RBFOX1: variants seen among roughly 807,000 people sequenced by gnomAD.
RBFOX1 encodes the protein RNA binding fox-1 homolog 1.
RBFOX1 carries 8 observed loss-of-function variants against 57.7 expected under a neutral mutation model. The observed-to-expected ratio is 0.14, with a 90% CI of 0.08 to 0.25. The LOEUF is 0.25. Among genes scored for constraint, RBFOX1 ranks in the 10% least tolerant of loss-of-function variants. The probability of loss-of-function intolerance (pLI) is 1.00; values close to 1 mark genes in which losing one functional copy is unlikely to be tolerated. For missense variants in RBFOX1, 611 were observed against 548.5 expected, an observed-to-expected ratio of 1.11 and a Z score of -1.14; for synonymous variants, 326 against 222.4, an observed-to-expected ratio of 1.47 and a Z score of -4.15.
intron 4 of RBFOX1, among the ~76,000 whole-genome samples, chr16:7,251,372 A>T (rs1268039866): frequency 6.8e-6 from 1 of 147,412 alleles, no homozygotes; most frequent in African/African-American, 2.5e-5. Context: ...GCTGAATGAC[A>T]TTCCATTGTA....
intron 1 of RBFOX1, among the ~76,000 whole-genome samples, chr16:5,463,279 C>T (rs554085894): frequency 3.3e-5 from 5 of 152,160 alleles, no homozygotes; most frequent in African/African-American, 9.6e-5. Context: ...TCTGGGATCA[C>T]ACATACTGAA....
chr16:7,239,654 G>T (rs1020286542), intron 4 of RBFOX1, among the ~76,000 whole-genome samples: 2 of 152,252 alleles, frequency 1.3e-5, no homozygotes, highest in South Asian at 2.1e-4. Context: ...AAGACCGTGA[G>T]AACTCATTTG....
chr16:6,485,632 A>T (rs887882692), intron 2 of RBFOX1, among the ~76,000 whole-genome samples: 1 of 152,234 alleles, frequency 6.6e-6, no homozygotes, highest in Non-Finnish European at 1.5e-5. Flanking sequence ...AAAAGTGAAT[A>T]TTCAAACTTT....
At chr16:7,010,025 C>G (rs929592160) in intron 3 of RBFOX1, among the ~76,000 whole-genome samples, 3 of 137,156 alleles carry the variant, frequency 2.2e-5, no homozygotes, top group Admixed American at 7.1e-5. Flanking sequence ...GCTCAGAGAA[C>G]TCTTAAGAAA....
intron 1 of RBFOX1, among the ~76,000 whole-genome samples, chr16:5,460,851 G>A (rs1256961461): frequency 1.3e-5 from 2 of 152,188 alleles, no homozygotes; most frequent in African/African-American, 2.4e-5. Flanking sequence ...CATTGCAGGA[G>A]CGGAGCACAT....
chr16:7,069,561 A>AT (rs1456856342), intron 4 of RBFOX1, among the ~76,000 whole-genome samples: 1 of 152,138 alleles, frequency 6.6e-6, no homozygotes, highest in African/African-American at 2.4e-5. Flanking sequence ...CATAAGGGCT[A>AT]TTTTTCTGGC....
intron 3 of RBFOX1, among the ~76,000 whole-genome samples, chr16:6,877,347 G>C (rs963656041): frequency 6.6e-6 from 1 of 152,080 alleles, no homozygotes; most frequent in Non-Finnish European, 1.5e-5. Flanking sequence ...CTTCCCTTTA[G>C]CAGAACACAA....
intron 4 of RBFOX1, among the ~76,000 whole-genome samples, chr16:7,511,343 G>A (rs1050609819): frequency 1.3e-5 from 2 of 152,124 alleles, no homozygotes; most frequent in African/African-American, 2.4e-5. Context: ...ATGGGAGAAG[G>A]GCAATGTCTT....
chr16:7,083,926 C>G (rs1567196354), intron 4 of RBFOX1, among the ~76,000 whole-genome samples: 5 of 152,116 alleles, frequency 3.3e-5, no homozygotes. Context: ...TCCTGCCCAC[C>G]TAGAGGTACC....
At chr16:5,650,838 G>A (rs1280095043) in intron 3 of RBFOX1, among the ~76,000 whole-genome samples, 1 of 152,000 alleles carries the variant, frequency 6.6e-6, no homozygotes, top group African/African-American at 2.4e-5. Flanking sequence ...GGCAGCAGGC[G>A]ACGGGTCATG....
At chr16:6,697,226 G>A (rs888483644) in intron 3 of RBFOX1, among the ~76,000 whole-genome samples, 3 of 152,126 alleles carry the variant, frequency 2.0e-5, no homozygotes, top group East Asian at 1.9e-4. Context: ...TCACTGTAGT[G>A]GTAGCTGCAG....
chr16:7,534,156 G>A (rs371816278), intron 5 of RBFOX1, among the ~76,000 whole-genome samples: 7 of 144,006 alleles, frequency 4.9e-5, no homozygotes, highest in South Asian at 2.2e-4. Flanking sequence ...GCTCGATCTC[G>A]GCTCACTGCA....
intron 2 of RBFOX1, among the ~76,000 whole-genome samples, chr16:6,449,590 T>C (rs1446852311): frequency 6.6e-6 from 1 of 152,232 alleles, no homozygotes; most frequent in Non-Finnish European, 1.5e-5. Context: ...CAGAGCCTTA[T>C]GATGGGCACT....
intron 4 of RBFOX1, among the ~76,000 whole-genome samples, chr16:7,117,469 A>G (rs751564143): frequency 2.6e-5 from 4 of 152,106 alleles, no homozygotes; most frequent in East Asian, 1.9e-4. Flanking sequence ...AGCTTATCCA[A>G]TTACTTAATG....
chr16:5,710,487 C>G (rs1277385314), intron 3 of RBFOX1, among the ~76,000 whole-genome samples: 2 of 152,188 alleles, frequency 1.3e-5, no homozygotes, highest in Non-Finnish European at 2.9e-5. Flanking sequence ...ACACAAGTCA[C>G]AATGCTGCCC....
intron 4 of RBFOX1, among the ~76,000 whole-genome samples, chr16:7,139,086 G>A (rs1166523410): frequency 6.6e-6 from 1 of 152,082 alleles, no homozygotes; most frequent in Non-Finnish European, 1.5e-5. Context: ...TTACAGGCAT[G>A]AGCCACCATG....
chr16:5,413,976 T>C (rs923812519), intron 1 of RBFOX1, among the ~76,000 whole-genome samples: 2 of 152,196 alleles, frequency 1.3e-5, no homozygotes, highest in African/African-American at 4.8e-5. Flanking sequence ...TCATCCATTT[T>C]ACAGATGAGG....
At chr16:7,288,718 A>G (rs1025750956) in intron 4 of RBFOX1, among the ~76,000 whole-genome samples, 2 of 152,296 alleles carry the variant, frequency 1.3e-5, no homozygotes, top group Non-Finnish European at 1.5e-5. Context: ...GCACATGCCA[A>G]TAATCCCGGC....
chr16:7,030,274 G>C (rs58598916), intron 3 of RBFOX1, among the ~76,000 whole-genome samples: 1 of 152,084 alleles, frequency 6.6e-6, no homozygotes, highest in Non-Finnish European at 1.5e-5. Context: ...GTTTAATGGA[G>C]TCAGGACTTT....
Sources: allele counts gnomAD v4.1 joint callset (sites outside exome capture counted in the v4.1 genomes callset), GRCh38; gene constraint gnomAD v4.1.1; transcripts MANE v1.5; gene names NCBI Gene and HGNC (gene_info 2026-07-23, HGNC 2026-07-21).